The following MELK variants were observed in gnomAD, a reference collection of about 807,000 sequenced individuals.
MELK encodes the protein maternal embryonic leucine zipper kinase.
MELK carries 81 observed loss-of-function variants against 85.0 expected under a neutral mutation model. The observed-to-expected ratio is 0.95, with a 90% confidence interval of 0.80 to 1.15. The LOEUF is 1.15. Among genes scored for constraint, MELK ranks in the 50% most tolerant of loss-of-function variants. The pLI is 0.00. For missense variants in MELK, 754 were observed against 777.5 expected (o/e 0.97, Z 0.36); for synonymous variants, 252 against 265.0 (o/e 0.95, Z 0.48).
intron 2 of MELK, among the ~76,000 whole-genome samples, chr9:36,582,478 G>C (rs1399600860): frequency 6.6e-6 from 1 of 151,946 alleles, no homozygotes; most frequent in Non-Finnish European, 1.5e-5. Flanking sequence ...GTGTGGATGA[G>C]GGTGATGTAA....
At chr9:36,583,062 C>T (rs1364858106) in intron 2 of MELK, among the ~76,000 whole-genome samples, 1 of 151,656 alleles carries the variant, frequency 6.6e-6, no homozygotes, top group Non-Finnish European at 1.5e-5. Flanking sequence ...CAAGCTCCAC[C>T]TCCTGGGTTC....
intron 13 of MELK, among the ~76,000 whole-genome samples, chr9:36,660,179 C>T (rs1055320021): frequency 6.6e-6 from 1 of 152,072 alleles, no homozygotes; most frequent in Non-Finnish European, 1.5e-5. Flanking sequence ...TTGTAGATAC[C>T]CTGGTATATT....
chr9:36,590,376 TTCTGAGAGGGAA>T (rs1823416933), intron 4 of MELK, among the ~76,000 whole-genome samples: 1 of 152,124 alleles, frequency 6.6e-6, no homozygotes, highest in Non-Finnish European at 1.5e-5. Context: ...CTTCTGGAGG[TTCTGAGAGGGAA>T]TCTGTTTCCT....
intron 8 of MELK, among the ~76,000 whole-genome samples, chr9:36,619,976 A>T (rs1827239289): frequency 6.6e-6 from 1 of 152,190 alleles, no homozygotes; most frequent in African/African-American, 2.4e-5. Context: ...AATACTTAAC[A>T]TGCATGAGTT....
intron 1 of MELK, among the ~76,000 whole-genome samples, chr9:36,579,659 A>C (rs760756521): frequency 2.0e-5 from 3 of 152,250 alleles, no homozygotes; most frequent in Non-Finnish European, 2.9e-5. Flanking sequence ...GTTTTCTAGA[A>C]CTGCATTAGC....
intron 1 of MELK, among the ~76,000 whole-genome samples, chr9:36,573,472 T>G (rs892620709): frequency 2.6e-5 from 4 of 152,020 alleles, no homozygotes; most frequent in African/African-American, 4.8e-5. Context: ...CTCCCCAGAG[T>G]AGTGGCTTCA....
intron 10 of MELK, among the ~76,000 whole-genome samples, chr9:36,636,806 G>GTCTGTCTGTCTGTCTGTCTGTCTT (rs1307055019): frequency 8.0e-5 from 9 of 112,240 alleles, no homozygotes; most frequent in Admixed American, 1.8e-4. Flanking sequence ...CTTTCTTTCT[G>GTCTGTCTGTCTGTCTGTCTGTCTT]TCTTTCTTTC....
intron 16 of MELK, among the ~76,000 whole-genome samples, chr9:36,673,858 T>TTTG (rs1414829478): frequency 2.6e-5 from 4 of 152,330 alleles, no homozygotes; most frequent in African/African-American, 4.8e-5. Flanking sequence ...TTAGGGTTTT[T>TTTG]TTGTTGTTGT....
intron 12 of MELK, among the ~76,000 whole-genome samples, chr9:36,656,095 G>A (rs1831213331): frequency 6.6e-6 from 1 of 152,126 alleles, no homozygotes; most frequent in Non-Finnish European, 1.5e-5. Context: ...AGTTTATAGA[G>A]GAGGAAGAAT....
chr9:36,671,301 T>C lies in MELK; in HGVS notation c.1674+135T>C, dbSNP rs904185537. ...ATTCACTTAGTTAATATATGTTTTT[T>C]GAGCAACTAAAATCTGCATGTTACT... is the stretch of plus-strand genomic sequence containing the variant. On this transcript the variant is annotated intron_variant, in intron 16 of 17. Transcript: ENST00000298048. 49 of 1,046,432 alleles carry C rather than the reference T, an allele frequency of 4.7e-5. No individual in the cohort carries two copies. In the African/African-American group the frequency reaches 7.9e-4, roughly 17 times the overall value. The allele number at this position is 1,046,432 out of a possible 1,614,324, so 64.8% of individuals were successfully genotyped here. A position where few individuals can be genotyped will look rare whatever the true frequency, so the allele number is the denominator to read the frequency against.
At chr9:36,591,872 G>A (rs947635228) in intron 4 of MELK, among the ~76,000 whole-genome samples, 9 of 151,996 alleles carry the variant, frequency 5.9e-5, no homozygotes, top group Non-Finnish European at 1.3e-4. Flanking sequence ...GCTACAGTGA[G>A]CTATGATTGC....
chr9:36,636,782 T>TTCTTTCTTTCTTTCTGTCTG (rs71494635), intron 10 of MELK, among the ~76,000 whole-genome samples: 3,005 of 107,280 alleles, frequency 0.028, 85 homozygotes, highest in Non-Finnish European at 0.037. Context: ...CTTTCTTTCT[T>TTCTTTCTTTCTTTCTGTCTG]TCTGTCTGTC....
At chr9:36,642,542 C>T (rs2136937725) in intron 10 of MELK, among the ~76,000 whole-genome samples, 1 of 149,208 alleles carries the variant, frequency 6.7e-6, no homozygotes, top group East Asian at 2.0e-4. Context: ...GATTCTTGTG[C>T]CACAGCCTCC....
rs1009661976 is a variant in MELK at position 36,633,315 on chromosome 9, G to A, written c.834+115G>A. The A allele has an allele frequency of 8.5e-6, 6 of 704,074 alleles. No individual in the cohort carries two copies. In the South Asian group the frequency reaches 1.0e-4, roughly 12 times the overall value. 43.6% of individuals were successfully genotyped at this position (704,074 alleles called of 1,614,324 possible). On this transcript the variant is annotated intron_variant, in intron 10 of 17. Transcript: ENST00000298048. ...ACAAGAAAATATATTAATCAGATTGGTGTTTGGGAGACTTGTAACCTAATG... is the reference window on the plus strand; with the variant it reads ...ACAAGAAAATATATTAATCAGATTGATGTTTGGGAGACTTGTAACCTAATG...
chr9:36,656,131 CGTT>C (rs1010489077), intron 12 of MELK, among the ~76,000 whole-genome samples: 1 of 152,106 alleles, frequency 6.6e-6, no homozygotes, highest in Admixed American at 6.6e-5. Context: ...ATTTTGGTGG[CGTT>C]GTTAGCGCAA....
At chr9:36,642,808 T>C (rs1355414302) in intron 10 of MELK, among the ~76,000 whole-genome samples, 189 bp from the exon 11 acceptor site, 1 of 152,118 alleles carries the variant, frequency 6.6e-6, no homozygotes, top group Non-Finnish European at 1.5e-5. Context: ...CTTCTTGAAA[T>C]GCTTGCTGGA....
chr9:36,579,311 G>T (rs1018325007), intron 1 of MELK, among the ~76,000 whole-genome samples: 26 of 152,310 alleles, frequency 1.7e-4, no homozygotes, highest in Admixed American at 3.3e-4. Context: ...ACAGGCATGA[G>T]CCACCGCGCC....
At chr9:36,665,642 A>G in intron 14 of MELK, 61 bp downstream of exon 14, 2 of 1,300,206 alleles carry the variant, frequency 1.5e-6, no homozygotes, top group African/African-American at 1.5e-5. Context: ...TTAAGTAAAC[A>G]TATAGCAGGT....
chr9:36,587,074 C>T (rs1034694369), intron 3 of MELK, among the ~76,000 whole-genome samples: 16 of 152,014 alleles, frequency 1.1e-4, no homozygotes, highest in African/African-American at 3.9e-4. Context: ...TGGTCTCGAT[C>T]TCCTGACCTC....
Sources: gnomAD v4.1 joint callset for allele counts (sites outside exome capture counted in the v4.1 genomes callset) on GRCh38, gnomAD v4.1.1 for gene constraint, MANE v1.5 for transcripts, NCBI Gene and HGNC (gene_info 2026-07-23, HGNC 2026-07-21) for gene names.